The following REEP1 variants were observed in gnomAD, a reference collection of about 807,000 sequenced individuals.
REEP1 encodes receptor expression-enhancing protein 1.
A neutral mutation model predicts 40.3 loss-of-function variants in REEP1; 22 were observed. That is an observed-to-expected ratio of 0.55 (90% CI 0.39 to 0.78). The LOEUF (loss-of-function observed/expected upper bound fraction) is 0.78. REEP1 is among the 30% of genes least tolerant of loss of function. REEP1 has a pLI of 0.00. For missense variants in REEP1, 280 were observed against 361.1 expected, an observed-to-expected ratio of 0.78 and a Z score of 1.82; for synonymous variants, 116 against 139.2, an observed-to-expected ratio of 0.83 and a Z score of 1.17.
intron 5 of REEP1, among the ~76,000 whole-genome samples, chr2:86,241,074 G>A (rs1317058451): frequency 6.6e-6 from 1 of 152,214 alleles, no homozygotes; most frequent in African/African-American, 2.4e-5. Flanking sequence ...CCGGCCATCT[G>A]AGCCAGGCCC....
At chr2:86,307,101 T>C (rs1251594596) in intron 1 of REEP1, among the ~76,000 whole-genome samples, 1 of 151,044 alleles carries the variant, frequency 6.6e-6, no homozygotes, top group Non-Finnish European at 1.5e-5. Flanking sequence ...GCTACTCGGG[T>C]GCTGAGGCAG....
intron 1 of REEP1, among the ~76,000 whole-genome samples, chr2:86,320,921 C>T (rs545566050): frequency 2.0e-5 from 3 of 152,222 alleles, no homozygotes; most frequent in East Asian, 1.9e-4. Flanking sequence ...TGGGTTCAAG[C>T]GATTCTCCTG....
intron 1 of REEP1, among the ~76,000 whole-genome samples, chr2:86,292,137 T>C (rs1251013147): frequency 1.3e-5 from 2 of 152,224 alleles, no homozygotes; most frequent in Admixed American, 1.3e-4. Flanking sequence ...TGACTAGCTG[T>C]GGAGTGGCAA....
At chr2:86,273,449 A>C (rs1192616951) in intron 2 of REEP1, among the ~76,000 whole-genome samples, 1 of 151,920 alleles carries the variant, frequency 6.6e-6, no homozygotes, top group Non-Finnish European at 1.5e-5. Context: ...AAGGCTGGCC[A>C]GTTTTTTTGT....
At chr2:86,311,484 C>A (rs1180583024) in intron 1 of REEP1, among the ~76,000 whole-genome samples, 1 of 152,140 alleles carries the variant, frequency 6.6e-6, no homozygotes, top group Non-Finnish European at 1.5e-5. Flanking sequence ...TCTGGAGGAT[C>A]TAGGGGAGGA....
At chr2:86,278,113 T>C (rs563886867) in intron 2 of REEP1, among the ~76,000 whole-genome samples, 55 of 152,366 alleles carry the variant, frequency 3.6e-4, no homozygotes, top group African/African-American at 1.2e-3. Context: ...GTTCATTTTA[T>C]ATTCATACAA....
intron 6 of REEP1, among the ~76,000 whole-genome samples, chr2:86,230,664 C>G (rs1032417912): frequency 1.3e-5 from 2 of 152,260 alleles, no homozygotes; most frequent in South Asian, 2.1e-4. Context: ...ATAACAGCTA[C>G]TATGCACTGG....
rs904027097 is a variant in REEP1, at chr2:86,216,957, C to T, written c.*82G>A. Reference sequence around the variant, plus strand: ...GCACACTCAAAGCACACCCAGCTTGCGGATTTCTATGTTATTAGTGAATAG... The same window carrying T: ...GCACACTCAAAGCACACCCAGCTTGTGGATTTCTATGTTATTAGTGAATAG... On this transcript the variant is annotated 3_prime_UTR_variant, in exon 9 of 9. Coordinates refer to ENST00000538924, the MANE Select transcript of REEP1 (RefSeq NM_001371279.1). 66 of 1,218,628 alleles carry T rather than the reference C, an allele frequency of 5.4e-5. No individual in the cohort carries two copies. Among genetic ancestry groups the T allele is most frequent in the African/African-American group, 5.2e-4 (35 of 66,800 alleles). 75.5% of individuals were successfully genotyped at this position (1,218,628 alleles called of 1,614,324 possible). A position where few individuals can be genotyped will look rare whatever the true frequency, so the allele number is the denominator to read the frequency against.
chr2:86,218,445 A>G (rs1015168041), intron 8 of REEP1, among the ~76,000 whole-genome samples: 1 of 152,210 alleles, frequency 6.6e-6, no homozygotes, highest in Admixed American at 6.5e-5. Context: ...AGGCCCTCTC[A>G]TAGAGTCCTC....
chr2:86,244,198 A>G lies in REEP1; in HGVS notation c.417+7759T>C, dbSNP rs538453025. On this transcript the variant is annotated intron_variant, in intron 5 of 8. Transcript: ENST00000538924. The stretch of plus-strand genomic sequence containing the variant: ...ATCACTGGGCTTATGAACTTCCTCA[A>G]ATGAGCTTTTGATTCCAAAAATAGT... 8.5e-5 allele frequency among the ~76,000 whole-genome samples: 13 copies of G among 152,316 alleles called. No homozygotes were observed. In the East Asian group the frequency reaches 2.5e-3, roughly 29 times the overall value.
intron 1 of REEP1, among the ~76,000 whole-genome samples, chr2:86,316,742 C>G (rs1680032913): frequency 6.8e-6 from 1 of 147,948 alleles, no homozygotes; most frequent in African/African-American, 2.5e-5. Context: ...GCCTGTAATT[C>G]CAGTTACTCA....
At chr2:86,326,712 CA>C (rs11348248) in intron 1 of REEP1, among the ~76,000 whole-genome samples, 76,974 of 149,562 alleles carry the variant, frequency 0.51, 19,841 homozygotes, top group East Asian at 0.62. Context: ...AACTCCATCT[CA>C]AAAAAAAAAT....
At chr2:86,222,144 C>T (rs183050278) in intron 7 of REEP1, among the ~76,000 whole-genome samples, 38 of 152,284 alleles carry the variant, frequency 2.5e-4, no homozygotes, top group Admixed American at 2.4e-3. Flanking sequence ...TGAGGCTGAG[C>T]AATGAACTCA....
intron 1 of REEP1, among the ~76,000 whole-genome samples, chr2:86,288,032 A>ATTTTTTT (rs1558916457): frequency 6.7e-6 from 1 of 149,752 alleles, no homozygotes; most frequent in African/African-American, 2.5e-5. Context: ...TATTTTTATT[A>ATTTTTTT]TTTTTTTGAG....
intron 1 of REEP1, among the ~76,000 whole-genome samples, chr2:86,320,077 C>T (rs1680211434): frequency 1.3e-5 from 2 of 152,190 alleles, no homozygotes; most frequent in South Asian, 4.1e-4. Flanking sequence ...TGTGTGCCAG[C>T]AGCACTAGGA....
intron 1 of REEP1, among the ~76,000 whole-genome samples, chr2:86,288,055 T>TGTCG (rs1294356818): frequency 0.019 from 2,811 of 147,218 alleles, 206 homozygotes; most frequent in African/African-American, 0.071. Flanking sequence ...GGAGTCTCGC[T>TGTCG]CCCATTGTGC....
At chr2:86,296,547 A>C (rs1390404494) in intron 1 of REEP1, among the ~76,000 whole-genome samples, 1 of 152,244 alleles carries the variant, frequency 6.6e-6, no homozygotes, top group East Asian at 1.9e-4. Flanking sequence ...AGTCATCATG[A>C]GGACTGGTTT....
chr2:86,253,897 A>G (rs1676411863), intron 4 of REEP1, among the ~76,000 whole-genome samples: 1 of 152,250 alleles, frequency 6.6e-6, no homozygotes, highest in Non-Finnish European at 1.5e-5. Flanking sequence ...TAATACAGTT[A>G]ACGAATGATA....
intron 3 of REEP1, among the ~76,000 whole-genome samples, chr2:86,263,111 T>G (rs1184681315): frequency 6.6e-6 from 1 of 152,236 alleles, no homozygotes; most frequent in Non-Finnish European, 1.5e-5. Context: ...ATAAAAGTAT[T>G]TCCAAAATAA....
Sources: allele counts gnomAD v4.1 joint callset (sites outside exome capture counted in the v4.1 genomes callset), GRCh38; gene constraint gnomAD v4.1.1; transcripts MANE v1.5; gene names NCBI Gene and HGNC (gene_info 2026-07-23, HGNC 2026-07-21).